Variants in PITPNM2 observed in about 807,000 individuals in gnomAD.
PITPNM2 encodes the protein membrane-associated phosphatidylinositol transfer protein 2.
PITPNM2 carries 35 observed loss-of-function variants against 132.2 expected under a neutral mutation model. The ratio of observed to expected loss-of-function variants is 0.26; its 90% CI spans 0.20 to 0.35. The LOEUF is 0.35. PITPNM2 is among the 10% of genes least tolerant of loss of function. The probability of loss-of-function intolerance (pLI) is 1.00; values close to 1 mark genes in which losing one functional copy is unlikely to be tolerated. For missense variants in PITPNM2, 1,332 were observed against 1,912.0 expected (o/e 0.70, Z 5.66); for synonymous variants, 738 against 799.2 (o/e 0.92, Z 1.29).
chr12:122,987,723 C>T, intron 21 of PITPNM2, 62 bp downstream of exon 21: 8 of 1,612,234 alleles, frequency 5.0e-6, no homozygotes, highest in Non-Finnish European at 6.8e-6. Context: ...GCACCCCGGC[C>T]AGAGGGCAGC....
At chr12:123,144,930 G>T (rs1180322133) in intron 1 of PITPNM2, among the ~76,000 whole-genome samples, 2 of 152,162 alleles carry the variant, frequency 1.3e-5, no homozygotes, top group Non-Finnish European at 2.9e-5. Flanking sequence ...TATTGTCCCC[G>T]CAGGCTCAAA....
intron 1 of PITPNM2, among the ~76,000 whole-genome samples, chr12:123,146,725 G>A (rs938962907): frequency 6.6e-6 from 1 of 151,762 alleles, no homozygotes; most frequent in African/African-American, 2.4e-5. Flanking sequence ...GGTTTGTCCT[G>A]GTGTTGCTAG....
Position 123,000,845 on chromosome 12 carries a change from C to T in PITPNM2, c.1157G>A (p.Gly386Asp). Reference sequence around the variant, plus strand: ...CTCAGGGGCACCCTGGCGGTACAGACCATCTGCAAAGACACAGAAGCCGTG... The same window carrying T: ...CTCAGGGGCACCCTGGCGGTACAGATCATCTGCAAAGACACAGAAGCCGTG... Reference protein sequence around the residue: ...ESPEPEDTQDGLYRQGAPEFR... With the variant: ...ESPEPEDTQDDLYRQGAPEFR... The change falls in exon 10 of 26, where the codon GGT becomes GAT. Residue 386 changes from glycine (G) to aspartate (D), a missense_variant. By Grantham distance (94) the Gly-to-Asp change is moderately conservative (BLOSUM62 -1). Transcript: ENST00000320201. The surrounding 1 kb of genome is among the most constrained non-coding windows in gnomAD (Gnocchi z 5.4). 1 of 1,614,072 alleles carries T rather than the reference C, an allele frequency of 6.2e-7. No individual in the cohort carries two copies. The highest frequency in any genetic ancestry group is 1.7e-5 in the Admixed American group (1 of 60,030).
chr12:123,068,458 TAAA>T lies in PITPNM2; in HGVS notation c.-95-33776_-95-33774del, dbSNP rs2041512624. On this transcript the variant is annotated intron_variant, in intron 2 of 25. Coordinates refer to ENST00000320201, the MANE Select transcript of PITPNM2 (RefSeq NM_020845.3). The stretch of plus-strand genomic sequence containing the variant: ...GCGAGACTCCATCTCCAAAAAATAA[TAAA>T]TAAATAAATAAATAAATAAATAAAT... Among the ~76,000 whole-genome samples, 4 of 23,690 alleles carry T rather than the reference TAAA, an allele frequency of 1.7e-4. No homozygotes were observed. In the Admixed American group the frequency reaches 5.7e-3, roughly 34 times the overall value. 15.5% of individuals were successfully genotyped at this position (23,690 alleles called of 152,430 possible).
rs1194734948 is a variant in PITPNM2 at position 123,064,332 on chromosome 12, C to G, written c.-95-29647G>C. Among the ~76,000 whole-genome samples, 1 of 152,200 alleles carries G rather than the reference C, an allele frequency of 6.6e-6. No homozygotes were observed. The highest frequency in any genetic ancestry group is 1.5e-5 in the Non-Finnish European group (1 of 68,022). Reference sequence around the variant, plus strand: ...GGATGAGAACTCCTCATTCTGGGCCCAGGGTGACACCAAACCGATCCCAAC... The same window carrying G: ...GGATGAGAACTCCTCATTCTGGGCCGAGGGTGACACCAAACCGATCCCAAC... On this transcript the variant is annotated intron_variant, in intron 2 of 25. Coordinates refer to ENST00000320201, the MANE Select transcript of PITPNM2 (RefSeq NM_020845.3). This position sits in a 1 kb window ranked among gnomAD's most constrained non-coding sequence, Gnocchi z 4.0.
intron 1 of PITPNM2, among the ~76,000 whole-genome samples, chr12:123,147,262 T>A (rs991428177): frequency 1.3e-5 from 2 of 152,230 alleles, no homozygotes; most frequent in African/African-American, 2.4e-5. Context: ...TTGTTCCCCA[T>A]GGACTCATCT....
chr12:123,067,251 T>A (rs533639263), intron 2 of PITPNM2, among the ~76,000 whole-genome samples: 20 of 151,806 alleles, frequency 1.3e-4, no homozygotes, highest in African/African-American at 4.8e-4. Flanking sequence ...AGGTCAGGAG[T>A]TCGAGACCAG....
At chr12:122,998,955 AC>A (rs2038542427) in intron 10 of PITPNM2, among the ~76,000 whole-genome samples, 1 of 152,166 alleles carries the variant, frequency 6.6e-6, no homozygotes, top group Admixed American at 6.5e-5. Context: ...TACCAAAAAT[AC>A]AAAAATTAGC....
chr12:123,094,949 C>G (rs1043953235), intron 2 of PITPNM2, among the ~76,000 whole-genome samples: 3 of 152,226 alleles, frequency 2.0e-5, no homozygotes, highest in South Asian at 2.1e-4. Flanking sequence ...ACCACAGACA[C>G]GTGAAAATAT....
intron 14 of PITPNM2, 34 bp from the exon 15 acceptor site, chr12:122,995,013 GGTGC>G: frequency 6.5e-7 from 1 of 1,543,964 alleles, no homozygotes; most frequent in Non-Finnish European, 8.7e-7. Context: ...CTGTCATGTG[GGTGC>G]AGCTGCCATC....
Position 122,997,342 on chromosome 12 carries a change from G to A in PITPNM2, c.1455C>T (p.Ala485=). ...LVPCPPVCSD[A]FALVSNLSPY... ...CCACTCACTTGGAGACCAGGGCAAA[G>A]GCGTCAGAGCAGACGGGCGGGCAGG... Residue 485 remains alanine (A), a synonymous_variant, in exon 11 of 26, where the codon GCC becomes GCT. Coordinates refer to ENST00000320201, the MANE Select transcript of PITPNM2 (RefSeq NM_020845.3). The A allele has an allele frequency of 1.2e-6, 2 of 1,613,180 alleles. No individual in the cohort carries two copies. The highest frequency in any genetic ancestry group is 1.7e-6 in the Non-Finnish European group (2 of 1,179,936).
intron 2 of PITPNM2, among the ~76,000 whole-genome samples, chr12:123,044,131 GAAAC>G (rs2040578324): frequency 6.6e-6 from 1 of 152,188 alleles, no homozygotes; most frequent in East Asian, 1.9e-4. Flanking sequence ...TGTGACAACA[GAAAC>G]AAGCCCAGAG....
intron 3 of PITPNM2, among the ~76,000 whole-genome samples, chr12:123,025,166 GC>G (rs2039812848): frequency 6.6e-6 from 1 of 152,202 alleles, no homozygotes; most frequent in Non-Finnish European, 1.5e-5. Context: ...GACATGATGG[GC>G]TAGCCAAGGG....
intron 3 of PITPNM2, among the ~76,000 whole-genome samples, chr12:123,034,075 G>C (rs181466346): frequency 4.5e-4 from 68 of 152,300 alleles, no homozygotes; most frequent in African/African-American, 1.6e-3. Context: ...GCCAGGAAGA[G>C]GGCCCTCACC....
chr12:123,118,884 A>G (rs2042980905), intron 1 of PITPNM2, among the ~76,000 whole-genome samples: 1 of 152,232 alleles, frequency 6.6e-6, no homozygotes, highest in African/African-American at 2.4e-5. Context: ...GGACATGGTA[A>G]GTATTGTCGA....
intron 3 of PITPNM2, among the ~76,000 whole-genome samples, chr12:123,025,868 C>A (rs1205963052): frequency 1.3e-5 from 2 of 152,174 alleles, no homozygotes; most frequent in African/African-American, 4.8e-5. Flanking sequence ...ACTGCAACAT[C>A]CCCTTAGGAA....
rs942077707 is a variant in PITPNM2, at chr12:123,150,320, C to T, written c.-200+433G>A. Among the ~76,000 whole-genome samples, 8 of 152,086 alleles carry T rather than the reference C, an allele frequency of 5.3e-5. No homozygotes were observed. The highest frequency in any genetic ancestry group is 1.7e-4 in the African/African-American group (7 of 41,432). ...ACGGCCCGGGCCTGGGGACGTTCAG[C>T]TGGAGGCGGGAAGCAGAGAAGGCGG... On this transcript the variant is annotated intron_variant, in intron 1 of 25. Transcript: ENST00000320201. The surrounding 1 kb of genome is among the most constrained non-coding windows in gnomAD (Gnocchi z 6.0).
At chr12:123,094,540 G>A (rs1321277435) in intron 2 of PITPNM2, among the ~76,000 whole-genome samples, 1 of 152,212 alleles carries the variant, frequency 6.6e-6, no homozygotes, top group African/African-American at 2.4e-5. Context: ...TTAGTCCTCT[G>A]GGGACGTTAC....
At chr12:123,098,765 C>T (rs1005148744) in intron 2 of PITPNM2, among the ~76,000 whole-genome samples, 6 of 152,092 alleles carry the variant, frequency 3.9e-5, no homozygotes, top group African/African-American at 1.4e-4. Context: ...ATCCCACGGG[C>T]TCCCAAGTGT....
Sources: gnomAD v4.1 joint callset for allele counts (sites outside exome capture counted in the v4.1 genomes callset) on GRCh38, gnomAD v4.1.1 for gene constraint, Gnocchi (gnomAD v3.1) non-coding constraint, MANE v1.5 for transcripts, NCBI Gene and HGNC (gene_info 2026-07-23, HGNC 2026-07-21) for gene names.